Variants in GKAP1 observed in about 807,000 individuals in gnomAD.
GKAP1 encodes G kinase anchoring protein 1, also known as G kinase-anchoring protein 1.
A neutral mutation model predicts 56.7 loss-of-function variants in GKAP1; 31 were observed. That is an observed-to-expected ratio of 0.55 (90% CI 0.41 to 0.74). The LOEUF is 0.74. Ranked by LOEUF, GKAP1 falls within the 30% of genes least tolerant of loss-of-function variation. The probability of loss-of-function intolerance (pLI) is 0.00; values close to 1 mark genes in which losing one functional copy is unlikely to be tolerated. For synonymous variants in GKAP1, 151 were observed against 138.6 expected (o/e 1.09, Z -0.63); for missense variants, 364 against 402.3 (o/e 0.90, Z 0.82).
At chr9:83,778,635 A>T (rs567177197) in intron 7 of GKAP1, among the ~76,000 whole-genome samples, 1 of 152,252 alleles carries the variant, frequency 6.6e-6, no homozygotes, top group East Asian at 1.9e-4. Context: ...CTGTATAACA[A>T]ACCACCGTGA....
At chr9:83,766,893 T>C (rs1235114138) in intron 8 of GKAP1, among the ~76,000 whole-genome samples, 2 of 152,126 alleles carry the variant, frequency 1.3e-5, no homozygotes, top group Admixed American at 6.5e-5. Context: ...GCAGACAATA[T>C]TGTGCGAGCC....
chr9:83,786,311 G>A (rs991274377), intron 5 of GKAP1, among the ~76,000 whole-genome samples: 1 of 152,216 alleles, frequency 6.6e-6, no homozygotes, highest in East Asian at 1.9e-4. Context: ...GGGAGGCTGA[G>A]GCGGGCGGAT....
rs1943606383 is a variant in GKAP1 at position 83,763,333 on chromosome 9, C to T, written c.738+5485G>A. 2.0e-5 allele frequency among the ~76,000 whole-genome samples: 3 copies of T among 152,100 alleles called. No homozygotes were observed. In the South Asian group the frequency reaches 6.2e-4, roughly 32 times the overall value. On this transcript the variant is annotated intron_variant, in intron 8 of 12. Coordinates refer to ENST00000376371, the MANE Select transcript of GKAP1 (RefSeq NM_025211.4). ...AGGTGGTTAGGATAGTTAATTGGTA[C>T]AAAAAAGTTAGAAAGAATGAATAAG...
intron 8 of GKAP1, among the ~76,000 whole-genome samples, chr9:83,756,672 T>C (rs1943483648): frequency 6.6e-6 from 1 of 152,058 alleles, no homozygotes; most frequent in African/African-American, 2.4e-5. Context: ...GGGTCATTTT[T>C]CTCCCACTAC....
intron 9 of GKAP1, among the ~76,000 whole-genome samples, chr9:83,750,603 C>T (rs919966406): frequency 6.6e-6 from 1 of 152,194 alleles, no homozygotes; most frequent in African/African-American, 2.4e-5. Flanking sequence ...TCCAATTTCT[C>T]GACATCCTTG....
Position 83,779,657 on chromosome 9 carries a change from G to A in GKAP1, c.585+725C>T, listed in dbSNP as rs192652773. Among the ~76,000 whole-genome samples, 326 of 147,174 alleles carry A rather than the reference G, an allele frequency of 2.2e-3. 2 individuals carry two copies. Among genetic ancestry groups the A allele is most frequent in the Non-Finnish European group, 3.5e-3 (234 of 66,946 alleles). ...CACACACACATTCTAAAGTGAAATC[G>A]AGGACCATCTGACCATAAAAAATTA... On this transcript the variant is annotated intron_variant, in intron 7 of 12. Transcript: ENST00000376371.
chr9:83,766,924 A>G (rs975042187), intron 8 of GKAP1, among the ~76,000 whole-genome samples: 2 of 152,230 alleles, frequency 1.3e-5, no homozygotes, highest in Non-Finnish European at 2.9e-5. Flanking sequence ...ACTGGCAAGA[A>G]AGGAATCACA....
At chr9:83,804,622 G>C (rs1016450995) in intron 3 of GKAP1, among the ~76,000 whole-genome samples, 1 of 134,208 alleles carries the variant, frequency 7.5e-6, no homozygotes, top group Non-Finnish European at 1.6e-5. Flanking sequence ...GGAGGGAGGT[G>C]GGGGGGGTCA....
At chr9:83,800,523 G>A (rs892716854) in intron 3 of GKAP1, among the ~76,000 whole-genome samples, 11 of 151,906 alleles carry the variant, frequency 7.2e-5, no homozygotes, top group African/African-American at 2.4e-4. Context: ...TAGTACAGAT[G>A]GGTTTTCACC....
rs957538158 is a variant in GKAP1 at position 83,753,169 on chromosome 9, G to A, written c.840+89C>T. 15 of 712,886 alleles carry A rather than the reference G, an allele frequency of 2.1e-5. No individual in the cohort carries two copies. In the Admixed American group the frequency reaches 3.7e-4, roughly 17 times the overall value. The allele number at this position is 712,886 out of a possible 1,614,324, so 44.2% of individuals were successfully genotyped here. A position where few individuals can be genotyped will look rare whatever the true frequency, so the allele number is the denominator to read the frequency against. On this transcript the variant is annotated intron_variant, in intron 9 of 12. Transcript: ENST00000376371. ...AACAGAATGACTATTCCCATGAATTGCATATTAAACATATTTACATATAAG... is the reference window on the plus strand; with the variant it reads ...AACAGAATGACTATTCCCATGAATTACATATTAAACATATTTACATATAAG...
At chr9:83,811,373 G>A (rs1174699945) in intron 2 of GKAP1, among the ~76,000 whole-genome samples, 4 of 152,114 alleles carry the variant, frequency 2.6e-5, no homozygotes, top group Non-Finnish European at 5.9e-5. Context: ...ACTACGGAAG[G>A]AAAATACCTA....
rs1264892337 is a variant in GKAP1 at position 83,779,444 on chromosome 9, T to TACACAC, written c.585+937_585+938insGTGTGT. On this transcript the variant is annotated intron_variant, in intron 7 of 12. Coordinates refer to ENST00000376371, the MANE Select transcript of GKAP1 (RefSeq NM_025211.4). ...CAGAAGCCATATATATATATATATA[T>TACACAC]ATATACACACACACACACACGCACA... 2.4e-3 allele frequency among the ~76,000 whole-genome samples: 195 copies of TACACAC among 82,762 alleles called. 4 individuals carry two copies. The highest frequency in any genetic ancestry group is 5.2e-3 in the African/African-American group (148 of 28,442). The allele number at this position is 82,762 out of a possible 152,430, so 54.3% of individuals were successfully genotyped here. A position where few individuals can be genotyped will look rare whatever the true frequency, so the allele number is the denominator to read the frequency against.
At chr9:83,743,659 C>T (rs1943244312) in intron 10 of GKAP1, among the ~76,000 whole-genome samples, 1 of 152,024 alleles carries the variant, frequency 6.6e-6, no homozygotes, top group African/African-American at 2.4e-5. Flanking sequence ...GGTGAGCATA[C>T]CATAATGCCA....
At chr9:83,783,430 T>C (rs1408958119) in intron 6 of GKAP1, among the ~76,000 whole-genome samples, 1 of 152,246 alleles carries the variant, frequency 6.6e-6, no homozygotes, top group Non-Finnish European at 1.5e-5. Context: ...ATTTTCATTT[T>C]AATTTTTATT....
At chr9:83,750,512 T>G (rs1177800672) in intron 9 of GKAP1, among the ~76,000 whole-genome samples, 1 of 152,202 alleles carries the variant, frequency 6.6e-6, no homozygotes, top group Admixed American at 6.5e-5. Flanking sequence ...CTCAGCAACA[T>G]GCATCATCAT....
intron 8 of GKAP1, among the ~76,000 whole-genome samples, chr9:83,767,553 G>C (rs909907190): frequency 1.3e-5 from 2 of 151,958 alleles, no homozygotes; most frequent in African/African-American, 4.8e-5. Context: ...GTGGAGACAG[G>C]GTTTCACCAT....
At chr9:83,742,967 G>A (rs554427294) in intron 10 of GKAP1, among the ~76,000 whole-genome samples, 2 of 152,206 alleles carry the variant, frequency 1.3e-5, no homozygotes, top group Admixed American at 6.5e-5. Context: ...GACCAGCCTG[G>A]CCAACATGGC....
intron 6 of GKAP1, 70 bp from the exon 7 acceptor site, chr9:83,780,474 A>AAG: frequency 1.2e-6 from 1 of 824,282 alleles, no homozygotes; most frequent in Non-Finnish European, 1.9e-6. Context: ...GTAAAAAAAA[A>AAG]AAAAAAAACG....
At chr9:83,806,801 TA>T in intron 2 of GKAP1, among the ~76,000 whole-genome samples, 1 of 152,342 alleles carries the variant, frequency 6.6e-6, no homozygotes, top group African/African-American at 2.4e-5. Context: ...TTTCCATGTA[TA>T]CTTTAAAAAT....
Sources: gnomAD v4.1 joint callset for allele counts (sites outside exome capture counted in the v4.1 genomes callset) on GRCh38, gnomAD v4.1.1 for gene constraint, MANE v1.5 for transcripts, NCBI Gene and HGNC (gene_info 2026-07-23, HGNC 2026-07-21) for gene names.